FGF12: variants seen among roughly 807,000 people sequenced by gnomAD.
FGF12 encodes fibroblast growth factor 12B.
FGF12 carries 14 observed loss-of-function variants against 23.6 expected under a neutral mutation model. The observed-to-expected ratio is 0.59, with a 90% confidence interval of 0.39 to 0.93. The LOEUF is 0.93. FGF12 is among the 40% of genes least tolerant of loss of function. The pLI is 0.00. For synonymous variants in FGF12, 62 were observed against 77.3 expected (o/e 0.80, Z 1.04); for missense variants, 175 against 217.8 (o/e 0.80, Z 1.24).
chr3:192,664,457 A>G (rs1716779930), intron 2 of FGF12, among the ~76,000 whole-genome samples: 1 of 151,982 alleles, frequency 6.6e-6, no homozygotes, highest in Admixed American at 6.6e-5. Flanking sequence ...GGTTTTTAAA[A>G]GTCACCAAAG....
chr3:192,497,374 C>T (rs1413292508), intron 2 of FGF12, among the ~76,000 whole-genome samples: 2 of 152,162 alleles, frequency 1.3e-5, no homozygotes, highest in East Asian at 3.9e-4. Flanking sequence ...TATTCCAAAC[C>T]TCCCACCAGA....
chr3:192,693,152 C>A, intron 2 of FGF12, among the ~76,000 whole-genome samples: 1 of 150,860 alleles, frequency 6.6e-6, no homozygotes, highest in Admixed American at 6.6e-5. Flanking sequence ...TATTACCTGT[C>A]CAAAAAAGAA....
intron 2 of FGF12, among the ~76,000 whole-genome samples, chr3:192,506,821 T>A (rs1372725076): frequency 6.6e-6 from 1 of 152,096 alleles, no homozygotes; most frequent in East Asian, 1.9e-4. Flanking sequence ...TGGTCAGTTG[T>A]GTCTAAACTG....
intron 2 of FGF12, among the ~76,000 whole-genome samples, chr3:192,718,111 C>T (rs1167355725): frequency 6.8e-6 from 1 of 147,780 alleles, no homozygotes; most frequent in African/African-American, 2.5e-5. Flanking sequence ...TCAATAATGT[C>T]AGTAAAACAC....
intron 4 of FGF12, among the ~76,000 whole-genome samples, chr3:192,292,129 T>C (rs761208718): frequency 1.3e-5 from 2 of 152,178 alleles, no homozygotes; most frequent in Non-Finnish European, 2.9e-5. Flanking sequence ...TACTCACTAA[T>C]ATTGCTCAGA....
intron 2 of FGF12, among the ~76,000 whole-genome samples, chr3:192,683,944 C>T (rs1488997088): frequency 6.6e-6 from 1 of 152,154 alleles, no homozygotes; most frequent in Non-Finnish European, 1.5e-5. Flanking sequence ...GAAAGAATAT[C>T]TGGAATTCTT....
rs1560102576 is a variant in FGF12, at chr3:192,408,459, CG to C, written c.14-47922del. ...GTAAACTTCCCCAACCTCTGGCGGC[CG>C]GGGGGCGGGGCGGGGCGGTCCCAGG... On this transcript the variant is annotated intron_variant, in intron 2 of 5. Coordinates refer to ENST00000445105, the MANE Select transcript of FGF12 (RefSeq NM_004113.6). The surrounding 1 kb of genome is among the most constrained non-coding windows in gnomAD (Gnocchi z 7.3). 5.2e-6 allele frequency: 7 copies of C among 1,352,856 alleles called. No homozygotes were observed. Among genetic ancestry groups the C allele is most frequent in the South Asian group, 3.7e-5 (2 of 54,040 alleles). 83.8% of individuals were successfully genotyped at this position (1,352,856 alleles called of 1,614,324 possible). A position where few individuals can be genotyped will look rare whatever the true frequency, so the allele number is the denominator to read the frequency against.
intron 4 of FGF12, among the ~76,000 whole-genome samples, chr3:192,252,075 G>C (rs1171472654): frequency 2.6e-5 from 4 of 152,008 alleles, no homozygotes; most frequent in Non-Finnish European, 5.9e-5. Flanking sequence ...TTGTGTGTAA[G>C]TCTTTTTAAT....
chr3:192,187,552 T>C (rs928490450), intron 4 of FGF12, among the ~76,000 whole-genome samples: 1 of 152,196 alleles, frequency 6.6e-6, no homozygotes, highest in Non-Finnish European at 1.5e-5. Flanking sequence ...ATGTTCTAAC[T>C]GGTTAATGAT....
chr3:192,647,179 C>T (rs952406280), intron 2 of FGF12, among the ~76,000 whole-genome samples: 1 of 152,028 alleles, frequency 6.6e-6, no homozygotes, highest in Non-Finnish European at 1.5e-5. Flanking sequence ...TCTTATGAAA[C>T]GTTGCCACTT....
In FGF12 at chr3:192,239,902, C is replaced by T. The variant is rs527858871; in HGVS notation, c.229-69246G>A. Among the ~76,000 whole-genome samples the T allele has an allele frequency of 5.9e-5, 9 of 152,250 alleles. No individual in the cohort carries two copies. In the East Asian group the frequency reaches 1.5e-3, roughly 26 times the overall value. ...AACTAAGTTTAAGGTTGGAAAGCCC[C>T]AGTAAATATCTGAGGTCTTAGTGAA... On this transcript the variant is annotated intron_variant, in intron 4 of 5. Coordinates refer to ENST00000445105, the MANE Select transcript of FGF12 (RefSeq NM_004113.6).
At chr3:192,402,607 C>CA (rs1720809932) in intron 2 of FGF12, among the ~76,000 whole-genome samples, 1 of 152,186 alleles carries the variant, frequency 6.6e-6, no homozygotes, top group Admixed American at 6.5e-5. Context: ...GACACTTACT[C>CA]ATCTTCTGAT....
At chr3:192,195,771 T>TACAC (rs144857800) in intron 4 of FGF12, among the ~76,000 whole-genome samples, 1 of 151,930 alleles carries the variant, frequency 6.6e-6, no homozygotes, top group Non-Finnish European at 1.5e-5. Flanking sequence ...TATGTGTGTA[T>TACAC]ACACACACAC....
At chr3:192,460,044 C>T (rs879709769) in intron 2 of FGF12, among the ~76,000 whole-genome samples, 4 of 151,966 alleles carry the variant, frequency 2.6e-5, no homozygotes, top group African/African-American at 7.3e-5. Context: ...AGTACATTTA[C>T]GATATGGGGA....
intron 4 of FGF12, among the ~76,000 whole-genome samples, chr3:192,309,318 T>C (rs753770705): frequency 6.6e-6 from 1 of 152,132 alleles, no homozygotes; most frequent in Non-Finnish European, 1.5e-5. Context: ...TCTGCTATGG[T>C]TTCCTAAGTG....
At chr3:192,607,256 A>G (rs1714372239) in intron 2 of FGF12, among the ~76,000 whole-genome samples, 1 of 152,164 alleles carries the variant, frequency 6.6e-6, no homozygotes, top group Non-Finnish European at 1.5e-5. Context: ...CACCTTATCC[A>G]GGAAACCCCA....
intron 2 of FGF12, among the ~76,000 whole-genome samples, chr3:192,493,146 C>A (rs1258090020): frequency 6.6e-6 from 1 of 151,818 alleles, no homozygotes; most frequent in East Asian, 1.9e-4. Context: ...TATGCCTTGG[C>A]CAATGACAGC....
At chr3:192,358,708 G>T (rs1414836486) in intron 3 of FGF12, among the ~76,000 whole-genome samples, 1 of 152,182 alleles carries the variant, frequency 6.6e-6, no homozygotes, top group African/African-American at 2.4e-5. Context: ...TCTGCCCCAT[G>T]ATAAATGTCA....
At chr3:192,150,025 T>C (rs1412266187) in intron 5 of FGF12, among the ~76,000 whole-genome samples, 2 of 111,938 alleles carry the variant, frequency 1.8e-5, no homozygotes, top group Non-Finnish European at 3.8e-5. Flanking sequence ...TGTGAGATGG[T>C]ATCTCATAGT....
Sources: gnomAD v4.1 joint callset for allele counts (sites outside exome capture counted in the v4.1 genomes callset) on GRCh38, gnomAD v4.1.1 for gene constraint, Gnocchi (gnomAD v3.1) non-coding constraint, MANE v1.5 for transcripts, NCBI Gene and HGNC (gene_info 2026-07-23, HGNC 2026-07-21) for gene names.